MAU2: variants seen among roughly 807,000 people sequenced by gnomAD.
MAU2 encodes the protein MAU2 sister chromatid cohesion factor.
In MAU2, 9 loss-of-function variants were observed where a neutral mutation model predicts 89.1. The observed-to-expected ratio is 0.10, with a 90% confidence interval of 0.06 to 0.18. The LOEUF (loss-of-function observed/expected upper bound fraction) is 0.18, where lower values mean the gene tolerates loss of function less well. MAU2 is among the 10% of genes least tolerant of loss of function. The pLI, the probability that MAU2 is intolerant of heterozygous loss-of-function variation, is 1.00. For missense variants in MAU2, 425 were observed against 803.5 expected, an observed-to-expected ratio of 0.53 and a Z score of 5.69; for synonymous variants, 357 against 343.4, an observed-to-expected ratio of 1.04 and a Z score of -0.44.
chr19:19,334,124 A>G (rs956291358), intron 1 of MAU2: 2 of 975,896 alleles, frequency 2.0e-6, no homozygotes, highest in Non-Finnish European at 2.4e-6. Flanking sequence ...AAAGCCCCCA[A>G]CTTCTGCTCT....
intron 5 of MAU2, 45 bp downstream of exon 5, chr19:19,338,984 G>A (rs1196993896): frequency 7.4e-6 from 11 of 1,494,470 alleles, no homozygotes; most frequent in Non-Finnish European, 1.0e-5. Context: ...GTTAACAGGA[G>A]GGGCTTGGCC....
chr19:19,340,182 A>T (rs897087393), intron 5 of MAU2, among the ~76,000 whole-genome samples: 5 of 147,716 alleles, frequency 3.4e-5, no homozygotes, highest in East Asian at 2.0e-4. Context: ...AAAAAAAAAA[A>T]ATTAACCAGG....
chr19:19,338,425 C>T (rs2061614111), intron 4 of MAU2, among the ~76,000 whole-genome samples: 1 of 152,254 alleles, frequency 6.6e-6, no homozygotes, highest in Admixed American at 6.5e-5. Flanking sequence ...CCCTTTCAGC[C>T]TGTTCAGACT....
rs912661084 is a variant in MAU2 at position 19,334,151 on chromosome 19, C to G, written c.277-1567C>G. 34 of 985,014 alleles carry G rather than the reference C, an allele frequency of 3.5e-5. No homozygotes were observed. The South Asian group carries it at 6.6e-4, about 19-fold the overall frequency. 61.0% of individuals were successfully genotyped at this position (985,014 alleles called of 1,614,324 possible). ...TTCTGCTCTTCTGTTGCATCACACACGTTGCCACTGTCCCCACACACAGCC... is the reference window on the plus strand; with the variant it reads ...TTCTGCTCTTCTGTTGCATCACACAGGTTGCCACTGTCCCCACACACAGCC... On this transcript the variant is annotated intron_variant, in intron 1 of 18. Transcript: ENST00000262815.
Position 19,336,120 on chromosome 19 carries a change from A to G in MAU2, c.295-2A>G. On this transcript the variant is annotated splice_acceptor_variant, in intron 2 of 18. Coordinates refer to ENST00000262815, the MANE Select transcript of MAU2 (RefSeq NM_015329.4). LOFTEE classifies it high-confidence loss of function. ...TGTACTTCCTTAACTGGACGTCACT[A>G]GATCCCGCAGTTCGAAGATGTTAAA... is the stretch of plus-strand genomic sequence containing the variant. 1.9e-6 allele frequency: 3 copies of G among 1,611,554 alleles called. No individual in the cohort carries two copies. The highest frequency in any genetic ancestry group is 2.5e-6 in the Non-Finnish European group (3 of 1,177,764).
At chr19:19,350,629 G>A (rs1308782088) in intron 16 of MAU2, among the ~76,000 whole-genome samples, 1 of 150,602 alleles carries the variant, frequency 6.6e-6, no homozygotes, top group Non-Finnish European at 1.5e-5. Context: ...GGCCGGGCAT[G>A]GTGGCTCACG....
intron 1 of MAU2, among the ~76,000 whole-genome samples, chr19:19,323,257 C>T (rs74182637): frequency 0.051 from 7,559 of 148,722 alleles, 251 homozygotes; most frequent in East Asian, 0.12. Context: ...TGCAGTGGCG[C>T]GGTCTTGGCT....
chr19:19,337,628 AG>A (rs958220883), intron 4 of MAU2, among the ~76,000 whole-genome samples: 2 of 152,138 alleles, frequency 1.3e-5, no homozygotes, highest in African/African-American at 4.8e-5. Flanking sequence ...TTGAAATCCC[AG>A]GAACATTTCC....
At chr19:19,327,941 C>T (rs893020428) in intron 1 of MAU2, among the ~76,000 whole-genome samples, 11 of 152,030 alleles carry the variant, frequency 7.2e-5, no homozygotes, top group African/African-American at 2.7e-4. Flanking sequence ...TTTACTTAGA[C>T]ATTTCTTGGC....
In MAU2 at chr19:19,358,263, A is replaced by T. The variant is rs1032794376; in HGVS notation, c.*2481A>T. 1 of 152,220 alleles carries T rather than the reference A, an allele frequency of 6.6e-6. No individual in the cohort carries two copies. Among genetic ancestry groups the T allele is most frequent in the African/African-American group, 2.4e-5 (1 of 41,434 alleles). The allele number at this position is 152,220 out of a possible 1,614,324, so 9.4% of individuals were successfully genotyped here. A position where few individuals can be genotyped will look rare whatever the true frequency, so the allele number is the denominator to read the frequency against. On this transcript the variant is annotated 3_prime_UTR_variant, in exon 19 of 19. Coordinates refer to ENST00000262815, the MANE Select transcript of MAU2 (RefSeq NM_015329.4). ...CCGAAAGCTGGCCAGACCCTCCTGT[A>T]TGCCTCTGCCCTTGTCCTGTGGGTT...
Position 19,356,439 on chromosome 19 carries a change from G to T in MAU2, c.*657G>T, listed in dbSNP as rs866625267. 72 of 260,928 alleles carry T rather than the reference G, an allele frequency of 2.8e-4. 4 individuals carry two copies. The South Asian group carries it at 2.9e-3, about 11-fold the overall frequency. The allele number at this position is 260,928 out of a possible 1,614,324, so 16.2% of individuals were successfully genotyped here. On this transcript the variant is annotated 3_prime_UTR_variant, in exon 19 of 19. Transcript: ENST00000262815. Reference sequence around the variant, plus strand: ...GGACTCGCCATCCCGCCGTGGGGGTGCAGGTGATTGTAAACACGGGTGTGC... The same window carrying T: ...GGACTCGCCATCCCGCCGTGGGGGTTCAGGTGATTGTAAACACGGGTGTGC...
chr19:19,326,467 A>G (rs1251935018), intron 1 of MAU2, among the ~76,000 whole-genome samples: 1 of 151,624 alleles, frequency 6.6e-6, no homozygotes. Flanking sequence ...TGGGCGGATC[A>G]CGAGGTCAGG....
Position 19,320,877 on chromosome 19 carries a change from G to T in MAU2, c.18G>T (p.Ala6=). 6.6e-7 allele frequency: 1 copy of T among 1,511,508 alleles called. No homozygotes were observed. The highest frequency in any genetic ancestry group is 8.8e-7 in the Non-Finnish European group (1 of 1,131,804). The allele number at this position is 1,511,508 out of a possible 1,614,324, so 93.6% of individuals were successfully genotyped here. Residue 6 remains alanine (A), a synonymous_variant, in exon 1 of 19, where the codon GCG becomes GCT. Coordinates refer to ENST00000262815, the MANE Select transcript of MAU2 (RefSeq NM_015329.4). MAAQA[A]AAAQAAAAQA... Reference sequence around the variant, plus strand: ...AGGCCAAAATGGCGGCTCAGGCGGCGGCAGCGGCCCAGGCGGCGGCGGCCC... The same window carrying T: ...AGGCCAAAATGGCGGCTCAGGCGGCTGCAGCGGCCCAGGCGGCGGCGGCCC...
Position 19,321,238 on chromosome 19 carries a change from T to C in MAU2, c.276+103T>C, listed in dbSNP as rs1048245282. The stretch of plus-strand genomic sequence containing the variant: ...GGTGGGGGGCCGCTCCTCGGCGACC[T>C]GGGGGCGCGACCTCCGTCAAAGCCG... On this transcript the variant is annotated intron_variant, in intron 1 of 18. Transcript: ENST00000262815. 3.0e-6 allele frequency: 4 copies of C among 1,314,704 alleles called. No individual in the cohort carries two copies. In the African/African-American group the frequency reaches 4.7e-5, roughly 15 times the overall value. 81.4% of individuals were successfully genotyped at this position (1,314,704 alleles called of 1,614,324 possible). A position where few individuals can be genotyped will look rare whatever the true frequency, so the allele number is the denominator to read the frequency against.
Position 19,343,890 on chromosome 19 carries a change from A to T in MAU2, c.1027A>T (p.Ile343Phe), listed in dbSNP as rs756812879. Residue 343 changes from isoleucine to phenylalanine, a missense_variant, in exon 10 of 19, where the codon ATC becomes TTC. Coordinates refer to ENST00000262815, the MANE Select transcript of MAU2 (RefSeq NM_015329.4). ...SSFQVILLEH[I>F]IMCRLVTGHK... ...CTTCCAAGTGATCCTGCTGGAGCAC[A>T]TCATCATGTGCCGCCTTGTCACGGG... is the stretch of plus-strand genomic sequence containing the variant. 6.2e-7 allele frequency: 1 copy of T among 1,613,602 alleles called. No individual in the cohort carries two copies. The highest frequency in any genetic ancestry group is 2.2e-5 in the East Asian group (1 of 44,892).
At chr19:19,349,824 T>C (rs1298376284) in intron 16 of MAU2, among the ~76,000 whole-genome samples, 1 of 152,036 alleles carries the variant, frequency 6.6e-6, no homozygotes, top group Non-Finnish European at 1.5e-5. Flanking sequence ...AAACATATCA[T>C]CCTTGGCCAA....
At chr19:19,342,276 CCTG>C (rs2061656109) in intron 7 of MAU2, among the ~76,000 whole-genome samples, 1 of 152,182 alleles carries the variant, frequency 6.6e-6, no homozygotes, top group Non-Finnish European at 1.5e-5. Flanking sequence ...ATAGGCCTCT[CCTG>C]GGCCTTGGTG....
At chr19:19,344,349 T>C (rs1392269724) in intron 10 of MAU2, 9 of 236,280 alleles carry the variant, frequency 3.8e-5, no homozygotes, top group Non-Finnish European at 6.7e-5. Flanking sequence ...GAGGCAGAGG[T>C]TGCAGTGAGC....
At chr19:19,327,600 C>T (rs893584949) in intron 1 of MAU2, among the ~76,000 whole-genome samples, 3 of 152,172 alleles carry the variant, frequency 2.0e-5, no homozygotes, top group Non-Finnish European at 4.4e-5. Flanking sequence ...GCTGGGATTA[C>T]AGGCGTGAGC....
Sources: gnomAD v4.1 joint callset for allele counts (sites outside exome capture counted in the v4.1 genomes callset) on GRCh38, gnomAD v4.1.1 for gene constraint, MANE v1.5 for transcripts, NCBI Gene and HGNC (gene_info 2026-07-23, HGNC 2026-07-21) for gene names.